Variants in PTPRD observed in about 807,000 individuals in gnomAD.
The protein encoded by PTPRD is protein tyrosine phosphatase receptor type D, also known as receptor-type tyrosine-protein phosphatase delta.
Under a neutral mutation model 214.5 loss-of-function variants are expected in PTPRD, and 34 were observed. The observed-to-expected ratio is 0.16, with a 90% confidence interval of 0.12 to 0.21. The LOEUF (loss-of-function observed/expected upper bound fraction) is 0.21. PTPRD is among the 10% of genes least tolerant of loss of function. PTPRD has a pLI of 1.00. For missense variants in PTPRD, 2,545 were observed against 2,398.7 expected (o/e 1.06, Z -1.27); for synonymous variants, 1,128 against 845.7 (o/e 1.33, Z -5.79).
At chr9:9,895,998 G>A (rs17242717) in intron 5 of PTPRD, among the ~76,000 whole-genome samples, 19,310 of 151,988 alleles carry the variant, frequency 0.13, 1,553 homozygotes, top group Middle Eastern at 0.26. Context: ...TAAAGGGTCC[G>A]TTTGTCACAG....
chr9:9,335,758 A>G (rs1033794394), intron 9 of PTPRD, among the ~76,000 whole-genome samples: 1 of 152,102 alleles, frequency 6.6e-6, no homozygotes, highest in African/African-American at 2.4e-5. Flanking sequence ...AAATTCATTC[A>G]ATCCTCTCTT....
At chr9:8,824,638 G>T (rs1006927496) in intron 11 of PTPRD, among the ~76,000 whole-genome samples, 2 of 152,122 alleles carry the variant, frequency 1.3e-5, no homozygotes, top group African/African-American at 4.8e-5. Context: ...GGCTTTTTAT[G>T]AACTGGGCAA....
intron 3 of PTPRD, among the ~76,000 whole-genome samples, chr9:10,093,803 G>C (rs139749892): frequency 4.9e-4 from 74 of 151,398 alleles, no homozygotes; most frequent in African/African-American, 1.7e-3. Context: ...GATGCAGCTG[G>C]AGACCATTAC....
intron 36 of PTPRD, among the ~76,000 whole-genome samples, chr9:8,397,794 C>T (rs1402871467): frequency 6.6e-6 from 1 of 152,138 alleles, no homozygotes; most frequent in Non-Finnish European, 1.5e-5. Flanking sequence ...ATGTGAGCAG[C>T]TTTCTCATCT....
At chr9:9,262,203 T>C (rs947156155) in intron 9 of PTPRD, among the ~76,000 whole-genome samples, 1 of 151,378 alleles carries the variant, frequency 6.6e-6, no homozygotes, top group African/African-American at 2.4e-5. Context: ...ATTTCTTAGA[T>C]CCATGCTGTC....
intron 10 of PTPRD, among the ~76,000 whole-genome samples, chr9:9,131,582 G>T (rs909853431): frequency 2.0e-5 from 3 of 152,076 alleles, no homozygotes; most frequent in Non-Finnish European, 1.5e-5. Flanking sequence ...AAATAAAATT[G>T]TCATTTTACA....
rs1206683292 is a variant in PTPRD at position 10,487,847 on chromosome 9, T to TA, written c.-600+124550dup. 1.4e-3 allele frequency among the ~76,000 whole-genome samples: 203 copies of TA among 143,986 alleles called. 4 individuals are homozygous for TA. The East Asian group carries it at 0.029, about 21-fold the overall frequency. The allele number at this position is 143,986 out of a possible 152,430, so 94.5% of individuals were successfully genotyped here. A position where few individuals can be genotyped will look rare whatever the true frequency, so the allele number is the denominator to read the frequency against. ...TTTTTAGAAGAACTTTTTTTTTTTT[T>TA]AAAAAGGAGACTTGTAGAGGTACTA... On this transcript the variant is annotated intron_variant, in intron 2 of 45. Coordinates refer to ENST00000381196, the MANE Select transcript of PTPRD (RefSeq NM_002839.4).
chr9:8,927,912 A>G (rs921325273), intron 11 of PTPRD, among the ~76,000 whole-genome samples: 2 of 152,200 alleles, frequency 1.3e-5, no homozygotes, highest in Non-Finnish European at 2.9e-5. Context: ...AACTGGCATG[A>G]CATGGTATCT....
At chr9:10,224,172 T>C (rs1409128848) in intron 3 of PTPRD, among the ~76,000 whole-genome samples, 1 of 152,006 alleles carries the variant, frequency 6.6e-6, no homozygotes, top group Non-Finnish European at 1.5e-5. Context: ...GTTTGTTGAA[T>C]GCTTACATTA....
At chr9:9,685,474 A>G (rs1441267971) in intron 7 of PTPRD, among the ~76,000 whole-genome samples, 1 of 151,382 alleles carries the variant, frequency 6.6e-6, no homozygotes, top group African/African-American at 2.4e-5. Flanking sequence ...TTCATGATTT[A>G]AATGCTTTCA....
At chr9:9,398,811 A>T (rs2141248536) in intron 8 of PTPRD, among the ~76,000 whole-genome samples, 1 of 152,132 alleles carries the variant, frequency 6.6e-6, no homozygotes, top group East Asian at 1.9e-4. Flanking sequence ...TTGGCCTATG[A>T]ACGTGGTCAC....
At chr9:9,147,259 G>A (rs946317424) in intron 10 of PTPRD, among the ~76,000 whole-genome samples, 4 of 151,722 alleles carry the variant, frequency 2.6e-5, no homozygotes, top group Non-Finnish European at 5.9e-5. Context: ...ACTATTCTTT[G>A]GAGTAATCAC....
chr9:8,419,349 T>C (rs897194320), intron 35 of PTPRD, among the ~76,000 whole-genome samples: 1 of 152,164 alleles, frequency 6.6e-6, no homozygotes, highest in Non-Finnish European at 1.5e-5. Context: ...AAAACACCTA[T>C]TGTTTATTAA....
chr9:10,102,686 A>C (rs1253359754), intron 3 of PTPRD, among the ~76,000 whole-genome samples: 10 of 151,600 alleles, frequency 6.6e-5, no homozygotes, highest in African/African-American at 2.4e-4. Context: ...TGTTAGTAGC[A>C]CTGTCTATCA....
chr9:10,014,434 A>G (rs558990958), intron 4 of PTPRD, among the ~76,000 whole-genome samples: 11 of 152,168 alleles, frequency 7.2e-5, no homozygotes, highest in African/African-American at 2.4e-4. Context: ...ACCATGAAGC[A>G]TTCTAGGTGC....
intron 14 of PTPRD, among the ~76,000 whole-genome samples, chr9:8,552,608 C>A (rs540107291): frequency 1.3e-5 from 2 of 152,078 alleles, no homozygotes; most frequent in African/African-American, 2.4e-5. Flanking sequence ...CAACCAGCGA[C>A]CAGATCAGGT....
intron 2 of PTPRD, among the ~76,000 whole-genome samples, chr9:10,584,662 G>A (rs1404663007): frequency 6.6e-6 from 1 of 152,024 alleles, no homozygotes; most frequent in African/African-American, 2.4e-5. Context: ...ACCTAGATTT[G>A]TGTCACTCAA....
intron 5 of PTPRD, among the ~76,000 whole-genome samples, chr9:9,888,202 T>C (rs1238638083): frequency 6.6e-6 from 1 of 152,098 alleles, no homozygotes; most frequent in African/African-American, 2.4e-5. Flanking sequence ...AATTCTGAGA[T>C]GTTATGGAGG....
chr9:9,283,499 T>C (rs1169354763), intron 9 of PTPRD, among the ~76,000 whole-genome samples: 1 of 151,430 alleles, frequency 6.6e-6, no homozygotes, highest in Non-Finnish European at 1.5e-5. Flanking sequence ...TTTTCTTTTT[T>C]ACAGAAAGTA....
Sources: gnomAD v4.1 joint callset for allele counts (sites outside exome capture counted in the v4.1 genomes callset) on GRCh38, gnomAD v4.1.1 for gene constraint, MANE v1.5 for transcripts, NCBI Gene and HGNC (gene_info 2026-07-23, HGNC 2026-07-21) for gene names.